The following LHFPL3 variants were observed in gnomAD, a reference collection of about 807,000 sequenced individuals.
LHFPL3 encodes the protein LHFPL tetraspan subfamily member 3, also known as LHFPL tetraspan subfamily member 3 protein.
A neutral mutation model predicts 19.3 loss-of-function variants in LHFPL3; 5 were observed. The ratio of observed to expected loss-of-function variants is 0.26; its 90% CI spans 0.14 to 0.54. The LOEUF (loss-of-function observed/expected upper bound fraction) is 0.54, where lower values mean the gene tolerates loss of function less well. LHFPL3 is among the 20% of genes least tolerant of loss of function. LHFPL3 has a pLI of 0.94. For missense variants in LHFPL3, 249 were observed against 307.4 expected, an observed-to-expected ratio of 0.81 and a Z score of 1.42; for synonymous variants, 133 against 126.2, an observed-to-expected ratio of 1.05 and a Z score of -0.36.
At chr7:104,518,850 A>G (rs10255582) in intron 1 of LHFPL3, among the ~76,000 whole-genome samples, 3,596 of 140,066 alleles carry the variant, frequency 0.026, 65 homozygotes, top group African/African-American at 0.049. Flanking sequence ...TAGATAGAAT[A>G]AATAAAAAAA....
chr7:104,632,395 G>T (rs897613996), intron 1 of LHFPL3, among the ~76,000 whole-genome samples: 3 of 152,232 alleles, frequency 2.0e-5, no homozygotes, highest in East Asian at 3.9e-4. Flanking sequence ...TAAAAGGAAA[G>T]AATTTGATGG....
In LHFPL3 at chr7:104,384,724, T is replaced by G. The variant is rs1364776931; in HGVS notation, c.445+55500T>G. Reference sequence around the variant, plus strand: ...ATCACTTGAACCTGGTAGGTGGAGGTTGCCGTGAGCCAAGATCGTGCCACT... The same window carrying G: ...ATCACTTGAACCTGGTAGGTGGAGGGTGCCGTGAGCCAAGATCGTGCCACT... On this transcript the variant is annotated intron_variant, in intron 1 of 2. Coordinates refer to ENST00000424859, the MANE Select transcript of LHFPL3 (RefSeq NM_199000.3). 2.8e-5 allele frequency among the ~76,000 whole-genome samples: 4 copies of G among 141,026 alleles called. No individual in the cohort carries two copies. The East Asian group carries it at 6.3e-4, about 22-fold the overall frequency. 92.5% of individuals were successfully genotyped at this position (141,026 alleles called of 152,430 possible).
intron 1 of LHFPL3, among the ~76,000 whole-genome samples, chr7:104,423,059 A>G (rs1359141198): frequency 6.7e-6 from 1 of 150,334 alleles, no homozygotes; most frequent in Non-Finnish European, 1.5e-5. Context: ...CTTGCATTCT[A>G]GTGAGGGAAG....
intron 1 of LHFPL3, among the ~76,000 whole-genome samples, chr7:104,401,438 C>A (rs1312946604): frequency 6.6e-6 from 1 of 152,146 alleles, no homozygotes; most frequent in Non-Finnish European, 1.5e-5. Context: ...ACACCCAAAT[C>A]ATTTCAGTAG....
intron 2 of LHFPL3, among the ~76,000 whole-genome samples, chr7:104,801,737 A>T (rs1790250654): frequency 6.6e-6 from 1 of 151,740 alleles, no homozygotes; most frequent in African/African-American, 2.4e-5. Flanking sequence ...CACCCAGCTA[A>T]TTTTTTGTAT....
At chr7:104,735,498 G>T (rs1793794920) in intron 1 of LHFPL3, among the ~76,000 whole-genome samples, 1 of 152,236 alleles carries the variant, frequency 6.6e-6, no homozygotes, top group South Asian at 2.1e-4. Flanking sequence ...GGCTCCGTGG[G>T]CATAGGACCC....
chr7:104,609,062 T>G (rs189117749), intron 1 of LHFPL3, among the ~76,000 whole-genome samples: 1 of 151,954 alleles, frequency 6.6e-6, no homozygotes, highest in Non-Finnish European at 1.5e-5. Context: ...GTCAGGAGTT[T>G]GAGACCAGCC....
intron 2 of LHFPL3, among the ~76,000 whole-genome samples, chr7:104,791,911 G>C (rs1790031171): frequency 6.6e-6 from 1 of 152,086 alleles, no homozygotes; most frequent in Admixed American, 6.5e-5. Flanking sequence ...GATGATTTCA[G>C]GCTTTTTGTT....
intron 1 of LHFPL3, among the ~76,000 whole-genome samples, chr7:104,712,361 A>G (rs1793313230): frequency 6.6e-6 from 1 of 152,192 alleles, no homozygotes; most frequent in African/African-American, 2.4e-5. Context: ...TGGTTTGCCA[A>G]CAGCTGTCTT....
At chr7:104,540,937 T>C (rs1267015276) in intron 1 of LHFPL3, among the ~76,000 whole-genome samples, 2 of 152,326 alleles carry the variant, frequency 1.3e-5, no homozygotes, top group East Asian at 3.9e-4. Context: ...CAACGAACTC[T>C]GCCAGCATTT....
intron 1 of LHFPL3, among the ~76,000 whole-genome samples, chr7:104,392,160 G>A (rs10953430): frequency 0.55 from 83,882 of 151,196 alleles, 23,545 homozygotes; most frequent in African/African-American, 0.63. Flanking sequence ...CTCTTTTCCT[G>A]ATTGAATACC....
intron 1 of LHFPL3, among the ~76,000 whole-genome samples, chr7:104,709,946 G>T (rs12538182): frequency 6.6e-6 from 1 of 151,108 alleles, no homozygotes; most frequent in Non-Finnish European, 1.5e-5. Flanking sequence ...GCTGCAATCT[G>T]GGCACTTTGG....
intron 2 of LHFPL3, among the ~76,000 whole-genome samples, chr7:104,763,963 G>A (rs960699158): frequency 1.3e-5 from 2 of 152,180 alleles, no homozygotes; most frequent in Non-Finnish European, 2.9e-5. Flanking sequence ...CCTAGAAATG[G>A]AAGAGTAAAG....
chr7:104,645,148 TA>T (rs1463213277), intron 1 of LHFPL3, among the ~76,000 whole-genome samples: 8 of 152,224 alleles, frequency 5.3e-5, no homozygotes, highest in Non-Finnish European at 1.2e-4. Flanking sequence ...TTATTTCACA[TA>T]TGCATAGTAA....
At chr7:104,417,871 TCTTCTTC>T (rs1791653838) in intron 1 of LHFPL3, among the ~76,000 whole-genome samples, 1 of 129,728 alleles carries the variant, frequency 7.7e-6, no homozygotes, top group East Asian at 2.1e-4. Flanking sequence ...TTCTTCTTCT[TCTTCTTC>T]TTCTTCTTTT....
At position 104,701,422 on chromosome 7, in the gene LHFPL3, A is replaced by G. The variant is rs186263970; in HGVS notation, c.446-35253A>G. Among the ~76,000 whole-genome samples, 4 of 152,366 alleles carry G rather than the reference A, an allele frequency of 2.6e-5. No homozygotes were observed. In the East Asian group the frequency reaches 7.7e-4, roughly 29 times the overall value. Reference sequence around the variant, plus strand: ...AGCCTTAACACATATTTTGTATGCTATATGTATTACATACTATATTCTTAT... The same window carrying G: ...AGCCTTAACACATATTTTGTATGCTGTATGTATTACATACTATATTCTTAT... On this transcript the variant is annotated intron_variant, in intron 1 of 2. Coordinates refer to ENST00000424859, the MANE Select transcript of LHFPL3 (RefSeq NM_199000.3).
intron 2 of LHFPL3, among the ~76,000 whole-genome samples, chr7:104,866,183 C>T (rs957856974): frequency 5.3e-5 from 8 of 152,138 alleles, no homozygotes; most frequent in African/African-American, 1.9e-4. Flanking sequence ...AGCAAAATAA[C>T]CAGCTAACAT....
chr7:104,482,658 G>A (rs1025276523), intron 1 of LHFPL3, among the ~76,000 whole-genome samples: 1 of 152,150 alleles, frequency 6.6e-6, no homozygotes, highest in African/African-American at 2.4e-5. Context: ...TTTTCTTGTT[G>A]TTCCTTCTCC....
At chr7:104,824,788 A>T (rs1584557107) in intron 2 of LHFPL3, among the ~76,000 whole-genome samples, 1 of 118,458 alleles carries the variant, frequency 8.4e-6, no homozygotes, top group Non-Finnish European at 1.6e-5. Flanking sequence ...TATATTTCAA[A>T]CTTCTCTGTT....
Sources: allele counts gnomAD v4.1 joint callset (sites outside exome capture counted in the v4.1 genomes callset), GRCh38; gene constraint gnomAD v4.1.1; transcripts MANE v1.5; gene names NCBI Gene and HGNC (gene_info 2026-07-23, HGNC 2026-07-21).